Variants in RBMS3 observed in about 807,000 individuals in gnomAD.
RBMS3 encodes RNA-binding motif, single-stranded-interacting protein 3.
Under a neutral mutation model 66.8 loss-of-function variants are expected in RBMS3, and 27 were observed. The observed-to-expected ratio is 0.40, with a 90% CI of 0.30 to 0.56. The LOEUF is 0.56. Ranked by LOEUF, RBMS3 falls within the 20% of genes least tolerant of loss-of-function variation. The pLI, the probability that RBMS3 is intolerant of heterozygous loss-of-function variation, is 0.40. For synonymous variants in RBMS3, 188 were observed against 183.0 expected, an observed-to-expected ratio of 1.03 and a Z score of -0.22; for missense variants, 513 against 549.5, an observed-to-expected ratio of 0.93 and a Z score of 0.66.
intron 1 of RBMS3, among the ~76,000 whole-genome samples, chr3:29,368,575 AG>A (rs1037557948): frequency 7.3e-5 from 11 of 151,382 alleles, no homozygotes; most frequent in African/African-American, 1.9e-4. Context: ...AAAAAAAAAA[AG>A]GTCTTCACTT....
chr3:29,527,181 TAAAAAAAAAAAAAAA>T lies in RBMS3; in HGVS notation c.307+38697_307+38711del, dbSNP rs538907247. ...TTTCAGACGTGATTGTTAGGTAGAG[TAAAAAAAAAAAAAAA>T]AAAAAAAAAAAAAAGATGGAAAGTA... On this transcript the variant is annotated intron_variant, in intron 3 of 14. Coordinates refer to ENST00000383767, the MANE Select transcript of RBMS3 (RefSeq NM_001003793.3). Among the ~76,000 whole-genome samples the T allele has an allele frequency of 4.6e-4, 40 of 87,822 alleles. 1 individual carries two copies. The highest frequency in any genetic ancestry group is 6.3e-3 in the Middle Eastern group (1 of 160). The allele number at this position is 87,822 out of a possible 152,430, so 57.6% of individuals were successfully genotyped here.
In RBMS3 at chr3:29,812,765, T is replaced by C. The variant is rs370181777; in HGVS notation, c.637+49776T>C. Among the ~76,000 whole-genome samples the C allele has an allele frequency of 4.6e-5, 7 of 152,296 alleles. No individual in the cohort carries two copies. The South Asian group carries it at 1.2e-3, about 27-fold the overall frequency. On this transcript the variant is annotated intron_variant, in intron 6 of 14. Transcript: ENST00000383767. ...AGAGTAATCAGGAAAGTCTAGAGCA[T>C]GTATTTGCCGATGCCTTCTGGGTGA...
intron 3 of RBMS3, among the ~76,000 whole-genome samples, chr3:29,525,269 TA>T (rs1429515130): frequency 6.6e-6 from 1 of 151,038 alleles, no homozygotes; most frequent in Non-Finnish European, 1.5e-5. Context: ...ACTATGCCTT[TA>T]AAAATGAAAA....
intron 6 of RBMS3, among the ~76,000 whole-genome samples, chr3:29,866,105 C>G (rs1296520158): frequency 8.9e-6 from 1 of 112,670 alleles, no homozygotes; most frequent in Non-Finnish European, 1.7e-5. Context: ...AAAAATTCCT[C>G]TTCTTGGATA....
At chr3:29,732,910 G>C (rs2054195965) in intron 4 of RBMS3, among the ~76,000 whole-genome samples, 2 of 151,980 alleles carry the variant, frequency 1.3e-5, no homozygotes, top group Admixed American at 1.3e-4. Flanking sequence ...ACTACATCAA[G>C]TCAAACAATA....
intron 6 of RBMS3, among the ~76,000 whole-genome samples, chr3:29,803,502 A>G (rs549002341): frequency 2.6e-5 from 4 of 152,248 alleles, no homozygotes; most frequent in Admixed American, 2.6e-4. Flanking sequence ...ACAAAAGCTA[A>G]AATTCATTGG....
chr3:29,755,003 C>A (rs1179249574), intron 5 of RBMS3, among the ~76,000 whole-genome samples: 1 of 152,108 alleles, frequency 6.6e-6, no homozygotes, highest in Non-Finnish European at 1.5e-5. Flanking sequence ...ACATAGTTGA[C>A]CTGCTCTGAG....
chr3:29,532,088 C>T (rs2148994564), intron 3 of RBMS3, among the ~76,000 whole-genome samples: 1 of 151,808 alleles, frequency 6.6e-6, no homozygotes, highest in Admixed American at 6.6e-5. Context: ...CTTGTTTCCT[C>T]TCTTTTTTTC....
intron 1 of RBMS3, among the ~76,000 whole-genome samples, chr3:29,289,982 T>A (rs1004146952): frequency 2.0e-5 from 3 of 151,882 alleles, no homozygotes; most frequent in Non-Finnish European, 4.4e-5. Context: ...TAATCCTGTG[T>A]ACTACTACTT....
intron 4 of RBMS3, among the ~76,000 whole-genome samples, chr3:29,716,200 A>G (rs989290253): frequency 4.6e-5 from 7 of 152,134 alleles, no homozygotes; most frequent in Non-Finnish European, 7.4e-5. Flanking sequence ...AATTCCTTTG[A>G]TCTAATAATT....
At chr3:29,528,461 A>G (rs2045222614) in intron 3 of RBMS3, among the ~76,000 whole-genome samples, 1 of 152,166 alleles carries the variant, frequency 6.6e-6, no homozygotes, top group Non-Finnish European at 1.5e-5. Context: ...TATATGTAGT[A>G]CTAGATCTTC....
intron 3 of RBMS3, among the ~76,000 whole-genome samples, chr3:29,549,059 GTTTTTTTTTT>G (rs5847579): frequency 1.2e-5 from 1 of 85,364 alleles, no homozygotes; most frequent in Admixed American, 1.3e-4. Context: ...TCCTACTTCT[GTTTTTTTTTT>G]TTTTTTTTTT....
intron 4 of RBMS3, among the ~76,000 whole-genome samples, chr3:29,662,938 T>G (rs756666674): frequency 6.6e-6 from 1 of 152,222 alleles, no homozygotes; most frequent in Non-Finnish European, 1.5e-5. Flanking sequence ...TTAATAAATA[T>G]GTGGGGATTT....
intron 1 of RBMS3, among the ~76,000 whole-genome samples, chr3:29,389,657 G>C (rs117319947): frequency 6.6e-6 from 1 of 152,136 alleles, no homozygotes; most frequent in Non-Finnish European, 1.5e-5. Flanking sequence ...AAGTATATTC[G>C]TTGTTTCTGA....
intron 1 of RBMS3, among the ~76,000 whole-genome samples, chr3:29,412,050 G>C (rs1272965305): frequency 1.3e-5 from 2 of 152,206 alleles, no homozygotes; most frequent in African/African-American, 4.8e-5. Context: ...TGTGCATTTA[G>C]TTAGTTTATA....
intron 12 of RBMS3, among the ~76,000 whole-genome samples, chr3:29,953,796 CT>C (rs1020730787): frequency 6.6e-6 from 1 of 151,804 alleles, no homozygotes; most frequent in African/African-American, 2.4e-5. Flanking sequence ...CTGTTTTAAC[CT>C]TTTTCACCTT....
chr3:29,981,833 A>G (rs986015041), intron 12 of RBMS3, among the ~76,000 whole-genome samples: 4 of 152,104 alleles, frequency 2.6e-5, no homozygotes, highest in African/African-American at 9.7e-5. Context: ...GTTTGCCAGT[A>G]TTTTATTGAG....
intron 2 of RBMS3, among the ~76,000 whole-genome samples, chr3:29,436,398 C>G (rs996344947): frequency 1.3e-5 from 2 of 151,980 alleles, no homozygotes; most frequent in Non-Finnish European, 2.9e-5. Context: ...AAAGGCAAGG[C>G]GGAACCTTGA....
intron 1 of RBMS3, among the ~76,000 whole-genome samples, chr3:29,287,650 GTT>G (rs1282607142): frequency 1.3e-5 from 2 of 151,994 alleles, no homozygotes; most frequent in Non-Finnish European, 2.9e-5. Flanking sequence ...GAGGTGTCTA[GTT>G]TTAATGAGGT....
Sources: gnomAD v4.1 joint callset for allele counts (sites outside exome capture counted in the v4.1 genomes callset) on GRCh38, gnomAD v4.1.1 for gene constraint, MANE v1.5 for transcripts, NCBI Gene and HGNC (gene_info 2026-07-23, HGNC 2026-07-21) for gene names.